The following SRBD1 variants were observed in gnomAD, a reference collection of about 807,000 sequenced individuals.
The protein encoded by SRBD1 is S1 RNA binding domain 1, also known as S1 RNA-binding domain-containing protein 1.
Under a neutral mutation model 115.3 loss-of-function variants are expected in SRBD1, and 88 were observed. The ratio of observed to expected loss-of-function variants is 0.76; its 90% CI spans 0.64 to 0.91. The LOEUF is 0.91. Ranked by LOEUF, SRBD1 falls within the 40% of genes least tolerant of loss-of-function variation. The pLI is 0.00. For synonymous variants in SRBD1, 509 were observed against 407.7 expected (o/e 1.25, Z -2.99); for missense variants, 1,385 against 1,177.4 (o/e 1.18, Z -2.58).
chr2:45,428,035 A>G (rs1668210989), intron 16 of SRBD1, among the ~76,000 whole-genome samples: 1 of 152,220 alleles, frequency 6.6e-6, no homozygotes, highest in Non-Finnish European at 1.5e-5. Flanking sequence ...ACTACAAATC[A>G]ACAGAATATA....
chr2:45,602,654 A>T (rs1461192939), intron 2 of SRBD1, among the ~76,000 whole-genome samples: 1 of 152,184 alleles, frequency 6.6e-6, no homozygotes, highest in Non-Finnish European at 1.5e-5. Context: ...ATCAGGTGCG[A>T]CTATAGTACT....
chr2:45,411,818 A>G (rs1667611699), intron 19 of SRBD1, among the ~76,000 whole-genome samples: 1 of 152,168 alleles, frequency 6.6e-6, no homozygotes, highest in African/African-American at 2.4e-5. Flanking sequence ...ATGCATCAAA[A>G]ACATAAGATG....
At chr2:45,507,540 T>A (rs1670834235) in intron 14 of SRBD1, among the ~76,000 whole-genome samples, 1 of 151,890 alleles carries the variant, frequency 6.6e-6, no homozygotes, top group South Asian at 2.1e-4. Flanking sequence ...GCCAACATGA[T>A]GAAACCCCAT....
At chr2:45,521,835 G>C (rs1378607587) in intron 14 of SRBD1, among the ~76,000 whole-genome samples, 1 of 152,000 alleles carries the variant, frequency 6.6e-6, no homozygotes, top group African/African-American at 2.4e-5. Context: ...AGGCATGGTG[G>C]CACGTGCCTC....
In SRBD1 at chr2:45,431,897, T is replaced by C. The variant is rs200726535; in HGVS notation, c.2050-12003A>G. Among the ~76,000 whole-genome samples the C allele has an allele frequency of 7.9e-5, 12 of 152,358 alleles. No individual in the cohort carries two copies. The East Asian group carries it at 2.3e-3, about 29-fold the overall frequency. On this transcript the variant is annotated intron_variant, in intron 16 of 20. Transcript: ENST00000263736. ...TAAAAACTCTTCTAGCAGCTATTTA[T>C]GTAATAGAAACTTCTGTAAACGCTG...
chr2:45,592,436 GA>G (rs1264439555), intron 4 of SRBD1, among the ~76,000 whole-genome samples: 1 of 152,116 alleles, frequency 6.6e-6, no homozygotes, highest in Non-Finnish European at 1.5e-5. Context: ...AAAGTCCTAG[GA>G]TCAAAGTTAA....
chr2:45,411,264 C>T (rs755754305), intron 19 of SRBD1, among the ~76,000 whole-genome samples: 3 of 152,060 alleles, frequency 2.0e-5, no homozygotes, highest in Admixed American at 6.6e-5. Flanking sequence ...CCAGAGGCCA[C>T]GAAAGTGTTC....
intron 16 of SRBD1, among the ~76,000 whole-genome samples, chr2:45,443,940 A>G (rs1275113041): frequency 6.6e-6 from 1 of 152,122 alleles, no homozygotes; most frequent in Non-Finnish European, 1.5e-5. Flanking sequence ...TACTCCATAA[A>G]TGTCTATTAC....
intron 16 of SRBD1, 65 bp downstream of exon 16, chr2:45,476,928 C>T: frequency 7.0e-7 from 1 of 1,435,634 alleles, no homozygotes; most frequent in Non-Finnish European, 9.8e-7. Flanking sequence ...AATTACTATC[C>T]CAGGTTTGAG....
At chr2:45,454,510 TTGAA>T (rs1669093297) in intron 16 of SRBD1, among the ~76,000 whole-genome samples, 1 of 151,846 alleles carries the variant, frequency 6.6e-6, no homozygotes, top group African/African-American at 2.4e-5. Context: ...AAGGACTCCA[TTGAA>T]TAGTAACATG....
intron 7 of SRBD1, among the ~76,000 whole-genome samples, chr2:45,579,236 T>C (rs1239212283): frequency 6.6e-6 from 1 of 152,214 alleles, no homozygotes. Context: ...CTGTTGTGCA[T>C]GCACACACAC....
chr2:45,547,576 C>T lies in SRBD1; in HGVS notation c.1712G>A (p.Cys571Tyr). Residue 571 changes from cysteine (C) to tyrosine (Y), a missense_variant, in exon 13 of 21, where the codon TGT (cysteine) becomes TAT (tyrosine). Transcript: ENST00000263736. ...ILHTDVVYLH[C>Y]GQGFREAEKI... is the part of the protein sequence containing the mutation. ...CTCCGCCTCTCGGAAGCCTTGTCCA[C>T]AATGCAAGTAAACCACATCAGTATG... 1 of 1,613,528 alleles carries T rather than the reference C, an allele frequency of 6.2e-7. No homozygotes were observed.
chr2:45,444,826 A>T (rs1668773765), intron 16 of SRBD1, among the ~76,000 whole-genome samples: 1 of 152,232 alleles, frequency 6.6e-6, no homozygotes. Context: ...AGTAAGAGAC[A>T]AAGCCTCTGG....
At chr2:45,564,307 A>C (rs1029352953) in intron 9 of SRBD1, among the ~76,000 whole-genome samples, 1 of 152,226 alleles carries the variant, frequency 6.6e-6, no homozygotes, top group African/African-American at 2.4e-5. Context: ...AATATGAGAA[A>C]GGGCTTGTGC....
rs760250277 is a variant in SRBD1 at position 45,585,605 on chromosome 2, T to C, written c.815+3A>G. ...TAGGCTTATTCTTTTTTAGGTTTCT[T>C]ACCGTAGCTCTTCTAGGGTTTGCTG... is the stretch of plus-strand genomic sequence containing the variant. On this transcript the variant is annotated splice_donor_region_variant and intron_variant, in intron 5 of 20. Coordinates refer to ENST00000263736, the MANE Select transcript of SRBD1 (RefSeq NM_018079.5). 2 of 1,606,580 alleles carry C rather than the reference T, an allele frequency of 1.2e-6. No individual in the cohort carries two copies. Among genetic ancestry groups the C allele is most frequent in the South Asian group, 2.2e-5 (2 of 88,950 alleles).
chr2:45,450,864 C>T (rs957206427), intron 16 of SRBD1, among the ~76,000 whole-genome samples: 3 of 152,084 alleles, frequency 2.0e-5, no homozygotes, highest in Non-Finnish European at 4.4e-5. Context: ...AAGTTAACAG[C>T]TTTTCATGAA....
At chr2:45,438,659 A>G (rs1668571916) in intron 16 of SRBD1, among the ~76,000 whole-genome samples, 1 of 152,180 alleles carries the variant, frequency 6.6e-6, no homozygotes, top group Non-Finnish European at 1.5e-5. Context: ...ATATGCAGAA[A>G]TTATCCTATC....
Position 45,551,583 on chromosome 2 carries a change from G to A in SRBD1, c.1518-301C>T, listed in dbSNP as rs184821897. 1.1e-3 allele frequency among the ~76,000 whole-genome samples: 164 copies of A among 152,266 alleles called. 1 individual carries two copies. The highest frequency in any genetic ancestry group is 1.6e-3 in the Non-Finnish European group (109 of 68,022). On this transcript the variant is annotated intron_variant, in intron 11 of 20. Coordinates refer to ENST00000263736, the MANE Select transcript of SRBD1 (RefSeq NM_018079.5). ...TATGTGTATATGTGAGAAAGACAGA[G>A]AGTGTACGCACATTTGAATGTCACA...
At chr2:45,391,609 A>C (rs553667964) in intron 20 of SRBD1, among the ~76,000 whole-genome samples, 1 of 152,170 alleles carries the variant, frequency 6.6e-6, no homozygotes, top group African/African-American at 2.4e-5. Flanking sequence ...GGTCAGTTCC[A>C]AAGTTTTTTT....
Sources: allele counts gnomAD v4.1 joint callset (sites outside exome capture counted in the v4.1 genomes callset), GRCh38; gene constraint gnomAD v4.1.1; transcripts MANE v1.5; gene names NCBI Gene and HGNC (gene_info 2026-07-23, HGNC 2026-07-21).